RBFOX1: variants seen among roughly 807,000 people sequenced by gnomAD.
The protein encoded by RBFOX1 is RNA binding fox-1 homolog 1.
In RBFOX1, 8 loss-of-function variants were observed where a neutral mutation model predicts 57.7. That is an observed-to-expected ratio of 0.14 (90% CI 0.08 to 0.25). RBFOX1 has a LOEUF of 0.25. RBFOX1 is among the 10% of genes least tolerant of loss of function. The pLI is 1.00. For synonymous variants in RBFOX1, 326 were observed against 222.4 expected (o/e 1.47, Z -4.15); for missense variants, 611 against 548.5 (o/e 1.11, Z -1.14).
intron 3 of RBFOX1, among the ~76,000 whole-genome samples, chr16:5,628,624 T>A (rs895528500): frequency 1.3e-5 from 2 of 152,194 alleles, no homozygotes; most frequent in Non-Finnish European, 2.9e-5. Flanking sequence ...AGAGCGAAGA[T>A]ACCCCAAGAA....
Position 5,953,376 on chromosome 16 carries a change from G to A in RBFOX1, c.351+86041G>A, listed in dbSNP as rs566538936. On this transcript the variant is annotated intron_variant, in intron 4 of 19. Transcript: ENST00000641259. ...TTGGGGACAGGTTATTTGGGGACAG[G>A]TGGTGTTTGGTTACATGAGTAAGTT... Among the ~76,000 whole-genome samples the A allele has an allele frequency of 7.9e-5, 12 of 152,246 alleles. No individual in the cohort carries two copies. The South Asian group carries it at 2.1e-3, about 26-fold the overall frequency.
intron 10 of RBFOX1, among the ~76,000 whole-genome samples, chr16:7,609,971 C>T (rs1463244927): frequency 6.6e-6 from 1 of 151,710 alleles, no homozygotes; most frequent in Non-Finnish European, 1.5e-5. Context: ...GTATCCGCCA[C>T]CATGCCCGGC....
At chr16:6,767,891 G>T (rs1382331084) in intron 3 of RBFOX1, among the ~76,000 whole-genome samples, 3 of 148,266 alleles carry the variant, frequency 2.0e-5, no homozygotes, top group African/African-American at 7.5e-5. Context: ...TCCAGCCTGG[G>T]CAACAGAGTA....
At chr16:6,126,163 A>G (rs982642881) in intron 1 of RBFOX1, among the ~76,000 whole-genome samples, 8 of 152,208 alleles carry the variant, frequency 5.3e-5, no homozygotes, top group Non-Finnish European at 1.2e-4. Flanking sequence ...TAAATACCCC[A>G]TTTGAAATGT....
intron 3 of RBFOX1, among the ~76,000 whole-genome samples, chr16:6,945,916 C>A (rs1038255818): frequency 2.0e-5 from 3 of 152,198 alleles, no homozygotes; most frequent in Non-Finnish European, 4.4e-5. Context: ...TCTGCTGGTG[C>A]TAACCCTAAG....
intron 4 of RBFOX1, among the ~76,000 whole-genome samples, chr16:7,068,370 A>G (rs1350471639): frequency 6.6e-6 from 1 of 152,134 alleles, no homozygotes; most frequent in Non-Finnish European, 1.5e-5. Flanking sequence ...TTCATATAAA[A>G]TATAGAAAGT....
At chr16:6,430,699 T>A (rs933865675) in intron 2 of RBFOX1, among the ~76,000 whole-genome samples, 9 of 152,056 alleles carry the variant, frequency 5.9e-5, no homozygotes, top group Non-Finnish European at 1.3e-4. Flanking sequence ...ATGGGAAGTT[T>A]AGACTTTACC....
intron 2 of RBFOX1, among the ~76,000 whole-genome samples, chr16:6,380,694 G>C (rs2795560): frequency 6.6e-6 from 1 of 150,978 alleles, no homozygotes; most frequent in Non-Finnish European, 1.5e-5. Context: ...CTCTTTGGGG[G>C]CATACAAAAC....
chr16:6,909,273 G>T (rs1365679416), intron 3 of RBFOX1, among the ~76,000 whole-genome samples: 1 of 152,080 alleles, frequency 6.6e-6, no homozygotes, highest in East Asian at 1.9e-4. Flanking sequence ...CCAGCATTGT[G>T]GCCTTCAGAC....
At chr16:7,589,375 C>T (rs1326217742) in intron 7 of RBFOX1, among the ~76,000 whole-genome samples, 1 of 152,132 alleles carries the variant, frequency 6.6e-6, no homozygotes, top group African/African-American at 2.4e-5. Context: ...TTTGAAAGTA[C>T]AATGGTGATA....
At chr16:5,573,708 C>T (rs1385977424) in intron 2 of RBFOX1, among the ~76,000 whole-genome samples, 2 of 152,182 alleles carry the variant, frequency 1.3e-5, no homozygotes, top group South Asian at 4.1e-4. Context: ...ACACCTATAA[C>T]TGCAACACTT....
chr16:7,314,870 A>C (rs1004906307), intron 4 of RBFOX1, among the ~76,000 whole-genome samples: 3 of 152,184 alleles, frequency 2.0e-5, no homozygotes, highest in African/African-American at 7.2e-5. Context: ...TTTTTCACTG[A>C]AAAAGAATGC....
chr16:5,336,375 C>G (rs1483351417), intron 1 of RBFOX1, among the ~76,000 whole-genome samples: 1 of 152,294 alleles, frequency 6.6e-6, no homozygotes, highest in South Asian at 2.1e-4. Context: ...GCTGGCACCC[C>G]TCTCTGAATC....
At chr16:7,693,265 C>G (rs1416684908) in intron 14 of RBFOX1, 1 of 1,532,646 alleles carries the variant, frequency 6.5e-7, no homozygotes, top group Admixed American at 1.7e-5. Flanking sequence ...TGGCAGAGAG[C>G]ACATTTCCCC....
chr16:6,838,107 C>T (rs1297213279), intron 3 of RBFOX1, among the ~76,000 whole-genome samples: 1 of 151,978 alleles, frequency 6.6e-6, no homozygotes, highest in African/African-American at 2.4e-5. Context: ...GTTTGCTGCA[C>T]CTATCAACCT....
At chr16:6,653,397 C>T (rs569958108) in intron 2 of RBFOX1, among the ~76,000 whole-genome samples, 1 of 152,168 alleles carries the variant, frequency 6.6e-6, no homozygotes, top group Non-Finnish European at 1.5e-5. Flanking sequence ...ATGCCTAGTG[C>T]AAGGTCTAGC....
chr16:7,312,269 A>G (rs1227495682), intron 4 of RBFOX1, among the ~76,000 whole-genome samples: 1 of 152,148 alleles, frequency 6.6e-6, no homozygotes, highest in African/African-American at 2.4e-5. Flanking sequence ...AATCCCAGCT[A>G]CTTAGGAGGC....
At chr16:6,983,070 A>G (rs534573125) in intron 3 of RBFOX1, among the ~76,000 whole-genome samples, 1 of 150,868 alleles carries the variant, frequency 6.6e-6, no homozygotes, top group Admixed American at 6.6e-5. Flanking sequence ...CTAACATCAC[A>G]TTACTGGGGA....
At chr16:6,966,757 GTCTGTCTATCTATCTATCTATCTA>G (rs1444587447) in intron 3 of RBFOX1, among the ~76,000 whole-genome samples, 1 of 99,844 alleles carries the variant, frequency 1.0e-5, no homozygotes, top group Non-Finnish European at 2.1e-5. Flanking sequence ...CTATCTGTCT[GTCTGTCTATCTATCTATCTATCTA>G]TCTATCTATC....
Sources: allele counts gnomAD v4.1 joint callset (sites outside exome capture counted in the v4.1 genomes callset), GRCh38; gene constraint gnomAD v4.1.1; transcripts MANE v1.5; gene names NCBI Gene and HGNC (gene_info 2026-07-23, HGNC 2026-07-21).